The following COMMD10 variants were observed in gnomAD, a reference collection of about 807,000 sequenced individuals.
COMMD10 encodes the protein COMM domain containing 10, also known as COMM domain-containing protein 10.
A neutral mutation model predicts 28.9 loss-of-function variants in COMMD10; 33 were observed. The ratio of observed to expected loss-of-function variants is 1.14; its 90% CI spans 0.87 to 1.53. COMMD10 has a LOEUF of 1.53. Ranked by LOEUF, COMMD10 falls within the 40% of genes most tolerant of loss-of-function variation. The probability of loss-of-function intolerance (pLI) is 0.00; values close to 1 mark genes in which losing one functional copy is unlikely to be tolerated. For synonymous variants in COMMD10, 110 were observed against 81.7 expected (o/e 1.35, Z -1.87); for missense variants, 310 against 233.4 (o/e 1.33, Z -2.14).
chr5:116,278,449 C>A (rs1055910103), intron 5 of COMMD10, among the ~76,000 whole-genome samples: 1 of 151,654 alleles, frequency 6.6e-6, no homozygotes. Flanking sequence ...TCATGGATAG[C>A]ACATTGTATT....
chr5:116,254,547 C>T (rs544277093), intron 5 of COMMD10, among the ~76,000 whole-genome samples: 56 of 151,064 alleles, frequency 3.7e-4, no homozygotes, highest in Middle Eastern at 3.4e-3. Flanking sequence ...GCCTTCATTT[C>T]GTTATGTACC....
chr5:116,187,513 C>A (rs1237433511), intron 5 of COMMD10, among the ~76,000 whole-genome samples: 1 of 151,956 alleles, frequency 6.6e-6, no homozygotes, highest in African/African-American at 2.4e-5. Context: ...ATTCAGCAAC[C>A]TATCTATATA....
At chr5:116,113,079 A>G (rs1482656031) in intron 4 of COMMD10, among the ~76,000 whole-genome samples, 1 of 152,172 alleles carries the variant, frequency 6.6e-6, no homozygotes, top group Non-Finnish European at 1.5e-5. Flanking sequence ...ATGAAGCTTA[A>G]TACTACCTGG....
At chr5:116,099,590 T>C (rs1434367553) in intron 4 of COMMD10, among the ~76,000 whole-genome samples, 1 of 152,192 alleles carries the variant, frequency 6.6e-6, no homozygotes, top group Non-Finnish European at 1.5e-5. Flanking sequence ...TTTTCTCTGC[T>C]GTCTTCCTAA....
intron 5 of COMMD10, among the ~76,000 whole-genome samples, chr5:116,164,785 A>G (rs1168140474): frequency 6.6e-6 from 1 of 152,140 alleles, no homozygotes. Context: ...AAAAATTTAT[A>G]ATGTTCTTAG....
At chr5:116,140,184 T>C (rs1188513613) in intron 5 of COMMD10, among the ~76,000 whole-genome samples, 1 of 151,074 alleles carries the variant, frequency 6.6e-6, no homozygotes, top group Non-Finnish European at 1.5e-5. Context: ...TCATCCATGT[T>C]GTTGCAAATG....
chr5:116,216,481 C>T lies in COMMD10; in HGVS notation c.511-75036C>T, dbSNP rs1749103190. 1.3e-5 allele frequency among the ~76,000 whole-genome samples: 2 copies of T among 152,122 alleles called. 1 individual carries two copies. The highest frequency in any genetic ancestry group is 2.9e-5 in the Non-Finnish European group (2 of 68,012). ...TTCACTAGAACTATTACAAACATTACAGTCATCAGCAGATGTTACACATGT... is the reference window on the plus strand; with the variant it reads ...TTCACTAGAACTATTACAAACATTATAGTCATCAGCAGATGTTACACATGT... On this transcript the variant is annotated intron_variant, in intron 5 of 6. Transcript: ENST00000274458.
At chr5:116,253,639 G>A (rs200392105) in intron 5 of COMMD10, among the ~76,000 whole-genome samples, 40,872 of 132,212 alleles carry the variant, frequency 0.31, 7,304 homozygotes, top group African/African-American at 0.58. Flanking sequence ...GCATCCCAGG[G>A]ATGAAGCCCA....
At chr5:116,171,337 G>C (rs982389233) in intron 5 of COMMD10, among the ~76,000 whole-genome samples, 1 of 152,210 alleles carries the variant, frequency 6.6e-6, no homozygotes, top group African/African-American at 2.4e-5. Flanking sequence ...ACCAGATGCT[G>C]GAGAGGGTGT....
intron 5 of COMMD10, among the ~76,000 whole-genome samples, chr5:116,216,063 A>G (rs1345487610): frequency 6.6e-6 from 1 of 152,152 alleles, no homozygotes; most frequent in Non-Finnish European, 1.5e-5. Flanking sequence ...CTGAAGTAAA[A>G]CAATCCAGAC....
intron 5 of COMMD10, among the ~76,000 whole-genome samples, chr5:116,253,624 G>A (rs1377646479): frequency 2.4e-3 from 346 of 141,394 alleles, no homozygotes; most frequent in Non-Finnish European, 4.1e-3. Context: ...TATTGAACCA[G>A]CCTTGCATCC....
chr5:116,249,560 A>G (rs1344322687), intron 5 of COMMD10, among the ~76,000 whole-genome samples: 2 of 151,970 alleles, frequency 1.3e-5, no homozygotes, highest in Admixed American at 6.6e-5. Flanking sequence ...ATGAGAAGAG[A>G]CAAGTCAAGG....
intron 5 of COMMD10, among the ~76,000 whole-genome samples, chr5:116,170,821 A>G (rs573497650): frequency 5.9e-5 from 9 of 152,340 alleles, no homozygotes; most frequent in African/African-American, 2.2e-4. Flanking sequence ...CTTACACCTT[A>G]TATAAAAATT....
In COMMD10 at chr5:116,092,549, T is replaced by C. The variant is rs1308383242; in HGVS notation, c.248T>C (p.Val83Ala). 7 of 1,587,486 alleles carry C rather than the reference T, an allele frequency of 4.4e-6. No homozygotes were observed. Among genetic ancestry groups the C allele is most frequent in the Non-Finnish European group, 6.0e-6 (7 of 1,166,964 alleles). Residue 83 changes from valine to alanine, a missense_variant, in exon 4 of 7, where the codon GTG (valine) becomes GCG (alanine). By Grantham distance (64) the Val-to-Ala change is moderately conservative. Transcript: ENST00000274458. Reference sequence around the variant, plus strand: ...TTTTTTGTTTCTTTTTAATAGGCAGTGTATCACAATGTGAAGCCAGCAGCT... The same window carrying C: ...TTTTTTGTTTCTTTTTAATAGGCAGCGTATCACAATGTGAAGCCAGCAGCT... ...ETISFILEQA[V>A]YHNVKPAALQ...
In COMMD10 at chr5:116,190,843, A is replaced by G. The variant is rs563035452; in HGVS notation, c.510+56665A>G. ...TACATGTTTACTTTCAGAATAATTT[A>G]AATTGGTAGAGTACAAGTTGGGAAA... On this transcript the variant is annotated intron_variant, in intron 5 of 6. Coordinates refer to ENST00000274458, the MANE Select transcript of COMMD10 (RefSeq NM_016144.4). Among the ~76,000 whole-genome samples the G allele has an allele frequency of 5.9e-5, 9 of 152,370 alleles. No individual in the cohort carries two copies. The South Asian group carries it at 1.9e-3, about 32-fold the overall frequency.
At chr5:116,153,131 CTA>C (rs1273505721) in intron 5 of COMMD10, among the ~76,000 whole-genome samples, 2 of 152,044 alleles carry the variant, frequency 1.3e-5, no homozygotes, top group East Asian at 1.9e-4. Context: ...TATATTTTGG[CTA>C]TATGTTTCCT....
At chr5:116,212,864 G>A (rs188682125) in intron 5 of COMMD10, among the ~76,000 whole-genome samples, 429 of 152,070 alleles carry the variant, frequency 2.8e-3, no homozygotes, top group South Asian at 7.0e-3. Flanking sequence ...AAAATTACTT[G>A]TTCTGGGGTA....
chr5:116,231,479 C>T (rs1042202515), intron 5 of COMMD10, among the ~76,000 whole-genome samples: 2 of 151,952 alleles, frequency 1.3e-5, no homozygotes, highest in East Asian at 3.9e-4. Context: ...TTCAGCGAGT[C>T]GTGGTTATAT....
At chr5:116,122,560 A>G (rs1352081610) in intron 4 of COMMD10, among the ~76,000 whole-genome samples, 1 of 152,186 alleles carries the variant, frequency 6.6e-6, no homozygotes, top group Non-Finnish European at 1.5e-5. Flanking sequence ...GAATCTATAA[A>G]TTACCTTGGG....
Sources: allele counts gnomAD v4.1 joint callset (sites outside exome capture counted in the v4.1 genomes callset), GRCh38; gene constraint gnomAD v4.1.1; transcripts MANE v1.5; gene names NCBI Gene and HGNC (gene_info 2026-07-23, HGNC 2026-07-21).